MCU: variants seen among roughly 807,000 people sequenced by gnomAD.
The protein encoded by MCU is calcium uniporter protein, mitochondrial.
Under a neutral mutation model 45.2 loss-of-function variants are expected in MCU, and 12 were observed. That is an observed-to-expected ratio of 0.27 (90% CI 0.17 to 0.43). The LOEUF (loss-of-function observed/expected upper bound fraction) is 0.43. Ranked by LOEUF, MCU falls within the 20% of genes least tolerant of loss-of-function variation. The probability of loss-of-function intolerance (pLI) is 1.00; values close to 1 mark genes in which losing one functional copy is unlikely to be tolerated. For synonymous variants in MCU, 160 were observed against 165.1 expected, an observed-to-expected ratio of 0.97 and a Z score of 0.24; for missense variants, 324 against 436.7, an observed-to-expected ratio of 0.74 and a Z score of 2.30.
At chr10:72,718,170 G>A (rs1377642819) in intron 1 of MCU, among the ~76,000 whole-genome samples, 2 of 152,170 alleles carry the variant, frequency 1.3e-5, no homozygotes, top group Non-Finnish European at 2.9e-5. Flanking sequence ...GGTTAGGCTA[G>A]TTCTGAAGTC....
intron 1 of MCU, among the ~76,000 whole-genome samples, chr10:72,752,204 G>A (rs972732382): frequency 3.3e-5 from 5 of 151,100 alleles, no homozygotes; most frequent in Non-Finnish European, 7.4e-5. Flanking sequence ...TACTTTTCAC[G>A]CATTATCTCA....
intron 1 of MCU, among the ~76,000 whole-genome samples, chr10:72,781,983 A>G (rs755141574): frequency 2.6e-5 from 4 of 152,176 alleles, no homozygotes; most frequent in Admixed American, 6.5e-5. Flanking sequence ...GGTCACTTTC[A>G]TGAAAGAAAC....
chr10:72,876,916 TCA>T (rs898434811), intron 6 of MCU, among the ~76,000 whole-genome samples: 7 of 142,032 alleles, frequency 4.9e-5, no homozygotes, highest in African/African-American at 1.2e-4. Context: ...TAGTATCAAA[TCA>T]CAGTTTTTTT....
chr10:72,805,107 CTT>C (rs1211564267), intron 1 of MCU, among the ~76,000 whole-genome samples: 53 of 109,832 alleles, frequency 4.8e-4, no homozygotes, highest in African/African-American at 1.6e-3. Context: ...CTTTCTCTTT[CTT>C]TCTTTCTTTC....
intron 1 of MCU, among the ~76,000 whole-genome samples, chr10:72,819,727 C>CTTTTTTTTT (rs71021538): frequency 1.4e-4 from 14 of 102,588 alleles, no homozygotes; most frequent in Non-Finnish European, 2.4e-4. Flanking sequence ...TTTTTCCAGT[C>CTTTTTTTTT]TTTTTTTTTT....
chr10:72,759,734 G>T (rs1301839367), intron 1 of MCU, among the ~76,000 whole-genome samples: 4 of 152,116 alleles, frequency 2.6e-5, no homozygotes, highest in Non-Finnish European at 5.9e-5. Context: ...AGTGGCCTGG[G>T]AGGAAGTGAC....
intron 1 of MCU, among the ~76,000 whole-genome samples, chr10:72,804,596 A>G (rs1345330045): frequency 6.6e-6 from 1 of 152,158 alleles, no homozygotes; most frequent in African/African-American, 2.4e-5. Context: ...CTTTTTCCTA[A>G]CATAGTTGAT....
chr10:72,868,780 A>C lies in MCU; in HGVS notation c.574A>C (p.Ile192Leu), dbSNP rs201174780. 1 of 1,614,080 alleles carries C rather than the reference A, an allele frequency of 6.2e-7. No individual in the cohort carries two copies. The change falls in exon 5 of 8, where the codon ATT becomes CTT. Residue 192 changes from isoleucine (I) to leucine (L), a missense_variant. Around this residue, in one of 4 missense-constraint regions of MCU, gnomAD observed 135 missense variants for 207.3 expected, o/e 0.65. Coordinates refer to ENST00000373053, the MANE Select transcript of MCU (RefSeq NM_138357.3). ...LVQQLYTTLC[I>L]EQHQLNKERE... ...CCAGCAACTATACACCACACTGTGC[A>C]TTGAGCAGCACCAGTTAAACAAGGA...
In MCU at chr10:72,697,261, C is replaced by T. The variant is rs989656909; in HGVS notation, c.150+4960C>T. 1.4e-4 allele frequency among the ~76,000 whole-genome samples: 21 copies of T among 148,204 alleles called. 1 individual carries two copies. Among genetic ancestry groups the T allele is most frequent in the South Asian group, 6.4e-4 (3 of 4,652 alleles). On this transcript the variant is annotated intron_variant, in intron 1 of 7. Coordinates refer to ENST00000373053, the MANE Select transcript of MCU (RefSeq NM_138357.3). ...CCTCCCAAGTAGCTGGGCATATAGG[C>T]GTGTGCCACCATGCCTGGCTAATTT...
chr10:72,884,381 A>G lies in MCU; in HGVS notation c.977A>G (p.Gln326Arg). Residue 326 changes from glutamine to arginine, a missense_variant and splice_region_variant, in exon 7 of 8, where the codon CAG (glutamine) becomes CGG (arginine). Gln to Arg is a conservative substitution (Grantham distance 43, BLOSUM62 1). Coordinates refer to ENST00000373053, the MANE Select transcript of MCU (RefSeq NM_138357.3). ...AATCAACTCAAGGATGCAATTGCTC[A>G]GGTAAGTTTTACAAAAATTAAAATA... ...KYNQLKDAIA[Q>R]AEMDLKRLRD... The G allele has an allele frequency of 6.4e-7, 1 of 1,574,312 alleles. No individual in the cohort carries two copies. The highest frequency in any genetic ancestry group is 8.7e-7 in the Non-Finnish European group (1 of 1,144,814).
At chr10:72,763,585 A>G (rs1487707947) in intron 1 of MCU, among the ~76,000 whole-genome samples, 1 of 152,140 alleles carries the variant, frequency 6.6e-6, no homozygotes, top group Non-Finnish European at 1.5e-5. Flanking sequence ...AGGGATGGAG[A>G]GAAAGGTTTG....
chr10:72,715,369 T>G (rs537884436), intron 1 of MCU: 1 of 156,210 alleles, frequency 6.4e-6, no homozygotes, highest in Non-Finnish European at 1.4e-5. Context: ...ATTGAACACT[T>G]GGTAGCTAAC....
chr10:72,740,235 C>G (rs894440250), intron 1 of MCU, among the ~76,000 whole-genome samples: 1 of 151,768 alleles, frequency 6.6e-6, no homozygotes, highest in Non-Finnish European at 1.5e-5. Flanking sequence ...AAAAATTAGC[C>G]GGGCATGGTG....
intron 1 of MCU, among the ~76,000 whole-genome samples, chr10:72,697,269 A>G (rs1362565855): frequency 6.6e-6 from 1 of 151,408 alleles, no homozygotes; most frequent in Non-Finnish European, 1.5e-5. Context: ...GGCGTGTGCC[A>G]CCATGCCTGG....
intron 1 of MCU, among the ~76,000 whole-genome samples, chr10:72,803,962 A>G (rs2132786068): frequency 7.2e-6 from 1 of 138,104 alleles, no homozygotes; most frequent in African/African-American, 2.6e-5. Flanking sequence ...AGGACCAGAC[A>G]TTGTATTCTT....
intron 2 of MCU, among the ~76,000 whole-genome samples, chr10:72,840,040 C>G (rs988521140): frequency 9.5e-5 from 14 of 147,716 alleles, no homozygotes; most frequent in Admixed American, 9.5e-4. Flanking sequence ...TTTCATTCTT[C>G]TTGGATAGAT....
chr10:72,800,167 G>A (rs1049921111), intron 1 of MCU, among the ~76,000 whole-genome samples: 4 of 152,170 alleles, frequency 2.6e-5, no homozygotes, highest in African/African-American at 9.7e-5. Flanking sequence ...TTCCAGTTGC[G>A]ATGTGTCTTT....
chr10:72,883,996 G>A lies in MCU; in HGVS notation c.862-270G>A, dbSNP rs145356441. ...TATGAGTAATTGGGAAGGGGCAAGA[G>A]GGAGTTTCTGGATTGTTGGCAGAGT... On this transcript the variant is annotated intron_variant, in intron 6 of 7. Transcript: ENST00000373053. Among the ~76,000 whole-genome samples the A allele has an allele frequency of 1.8e-3, 267 of 152,272 alleles. 3 individuals carry two copies. Among genetic ancestry groups the A allele is most frequent in the African/African-American group, 6.2e-3 (256 of 41,560 alleles).
At chr10:72,793,179 ATTACACTGCTTTTTAAGGC>A (rs758758375) in intron 1 of MCU, among the ~76,000 whole-genome samples, 2 of 152,066 alleles carry the variant, frequency 1.3e-5, no homozygotes, top group African/African-American at 2.4e-5. Context: ...GCCTGGCCTG[ATTACACTGCTTTTTAAGGC>A]TTACTGCCAC....
Sources: allele counts gnomAD v4.1 joint callset (sites outside exome capture counted in the v4.1 genomes callset), GRCh38; gene constraint gnomAD v4.1.1; regional missense constraint gnomAD v4.1.1; transcripts MANE v1.5; gene names NCBI Gene and HGNC (gene_info 2026-07-23, HGNC 2026-07-21).